Variants in COL28A1 observed in about 807,000 individuals in gnomAD.
The protein encoded by COL28A1 is collagen type XXVIII alpha 1 chain.
In COL28A1, 161 loss-of-function variants were observed where a neutral mutation model predicts 150.2. The observed-to-expected ratio is 1.07, with a 90% CI of 0.94 to 1.22. The LOEUF is 1.22. COL28A1 is among the 50% of genes most tolerant of loss of function. The pLI is 0.00. For missense variants in COL28A1, 1,617 were observed against 1,388.3 expected, an observed-to-expected ratio of 1.16 and a Z score of -2.62; for synonymous variants, 552 against 469.7, an observed-to-expected ratio of 1.18 and a Z score of -2.26.
intron 15 of COL28A1, among the ~76,000 whole-genome samples, chr7:7,463,507 G>A (rs1255051200): frequency 2.0e-5 from 3 of 152,114 alleles, no homozygotes; most frequent in Non-Finnish European, 2.9e-5. Context: ...AGGGATTGGG[G>A]TCCTATCATC....
In COL28A1 at chr7:7,432,579, G is replaced by A. The variant is rs758014058; in HGVS notation, c.1930-38C>T. On this transcript the variant is annotated intron_variant, in intron 24 of 34. Coordinates refer to ENST00000399429, the MANE Select transcript of COL28A1 (RefSeq NM_001037763.3). ...AGTAAGGGAGGGAGTGAGCATCCTT[G>A]TAGTATGCAACACTCAAAAAGGAGG... 4 of 1,606,278 alleles carry A rather than the reference G, an allele frequency of 2.5e-6. No individual in the cohort carries two copies. In the South Asian group the frequency reaches 4.4e-5, roughly 18 times the overall value.
At chr7:7,487,154 T>TA (rs55844533) in intron 13 of COL28A1, among the ~76,000 whole-genome samples, 12 of 151,616 alleles carry the variant, frequency 7.9e-5, no homozygotes, top group South Asian at 2.1e-4. Context: ...TTTCATTATT[T>TA]AAAAAAAAAC....
chr7:7,393,565 C>T (rs1031498622), intron 27 of COL28A1, among the ~76,000 whole-genome samples: 5 of 152,088 alleles, frequency 3.3e-5, no homozygotes, highest in Non-Finnish European at 4.4e-5. Context: ...GTCTCCCCTT[C>T]CCCCAGGTGC....
intron 28 of COL28A1, 44 bp downstream of exon 28, chr7:7,381,500 C>G: frequency 7.1e-7 from 1 of 1,403,414 alleles, no homozygotes; most frequent in Non-Finnish European, 1.0e-6. Context: ...TAAGCTATTG[C>G]GATCCTAAGC....
At chr7:7,366,444 A>C (rs1002039148) in intron 33 of COL28A1, among the ~76,000 whole-genome samples, 1 of 152,188 alleles carries the variant, frequency 6.6e-6, no homozygotes, top group Non-Finnish European at 1.5e-5. Flanking sequence ...CTTCTAGATC[A>C]GTTAGGAATA....
chr7:7,431,617 A>G (rs1185335051), intron 25 of COL28A1: 1 of 471,160 alleles, frequency 2.1e-6, no homozygotes, highest in Non-Finnish European at 4.4e-6. Context: ...GGCATGAAGG[A>G]TCTTCAAGGC....
chr7:7,376,173 A>G (rs868701918), intron 30 of COL28A1, among the ~76,000 whole-genome samples: 1 of 152,018 alleles, frequency 6.6e-6, no homozygotes, highest in Non-Finnish European at 1.5e-5. Flanking sequence ...CAGTGTGTTT[A>G]TAAGTAACTA....
chr7:7,536,016 T>C (rs1337694957), upstream of COL28A1, among the ~76,000 whole-genome samples: 1 of 152,232 alleles, frequency 6.6e-6, no homozygotes, highest in East Asian at 1.9e-4. Flanking sequence ...AATGAGACTG[T>C]GTTTTCCAGA....
intron 33 of COL28A1, among the ~76,000 whole-genome samples, chr7:7,368,392 T>C (rs1302753530): frequency 1.7e-4 from 25 of 150,716 alleles, no homozygotes; most frequent in Admixed American, 1.6e-3. Flanking sequence ...GCCTACTGTT[T>C]TTTTTGTTTT....
chr7:7,434,813 G>T (rs1370635717), intron 23 of COL28A1, among the ~76,000 whole-genome samples: 1 of 152,158 alleles, frequency 6.6e-6, no homozygotes, highest in Non-Finnish European at 1.5e-5. Context: ...TTCTGTACTG[G>T]ATTCAAGGAA....
At chr7:7,414,823 G>C (rs559287387) in intron 27 of COL28A1, among the ~76,000 whole-genome samples, 1 of 152,032 alleles carries the variant, frequency 6.6e-6, no homozygotes, top group African/African-American at 2.4e-5. Flanking sequence ...TCATTACTTG[G>C]CCTATAGGAC....
In COL28A1 at chr7:7,484,255, T is replaced by C. The variant is rs140565360; in HGVS notation, c.1164+5134A>G. On this transcript the variant is annotated intron_variant, in intron 13 of 34. Coordinates refer to ENST00000399429, the MANE Select transcript of COL28A1 (RefSeq NM_001037763.3). ...AGAAATTATAAACAGACTAAAGACA[T>C]GGAAACAGAAACCATGGTTGCCAGC... Among the ~76,000 whole-genome samples, 58 of 151,758 alleles carry C rather than the reference T, an allele frequency of 3.8e-4. No homozygotes were observed. In the East Asian group the frequency reaches 0.011, roughly 28 times the overall value.
chr7:7,459,751 G>A (rs550524620), intron 15 of COL28A1, among the ~76,000 whole-genome samples: 2 of 152,134 alleles, frequency 1.3e-5, no homozygotes, highest in Non-Finnish European at 2.9e-5. Flanking sequence ...CCCTAACAAC[G>A]AGGAGCTGAC....
chr7:7,373,383 G>T lies in COL28A1; in HGVS notation c.2523C>A (p.Asn841Lys). ...CCACCTTCTCCACCTTATGGCTATA[G>T]TTGATTATGCCTATGCGGGCCGTGG... ...DLATARIGII[N>K]YSHKVEKVAN... Residue 841 changes from asparagine to lysine, a missense_variant, in exon 32 of 35, where the codon AAC becomes AAA. By Grantham distance (94) the Asn-to-Lys change is moderately conservative. Transcript: ENST00000399429. The surrounding 1 kb of genome is among the most constrained non-coding windows in gnomAD (Gnocchi z 4.1). 6.2e-7 allele frequency: 1 copy of T among 1,614,198 alleles called. No individual in the cohort carries two copies. Among genetic ancestry groups the T allele is most frequent in the Non-Finnish European group, 8.5e-7 (1 of 1,180,044 alleles).
intron 13 of COL28A1, among the ~76,000 whole-genome samples, chr7:7,487,779 T>C (rs905391820): frequency 6.6e-6 from 1 of 152,166 alleles, no homozygotes; most frequent in African/African-American, 2.4e-5. Flanking sequence ...TCTGAGCTGG[T>C]CCTATACTTA....
At chr7:7,521,340 T>A (rs945961911) in intron 5 of COL28A1, among the ~76,000 whole-genome samples, 1 of 152,236 alleles carries the variant, frequency 6.6e-6, no homozygotes, top group Non-Finnish European at 1.5e-5. Context: ...TCCTGGATTA[T>A]CTTATCAAAC....
At chr7:7,431,602 G>A (rs1351689773) in intron 25 of COL28A1, 1 of 471,178 alleles carries the variant, frequency 2.1e-6, no homozygotes, top group Non-Finnish European at 4.4e-6. Flanking sequence ...AGAAGCTGCA[G>A]TCGGGGCATG....
intron 27 of COL28A1, among the ~76,000 whole-genome samples, chr7:7,410,744 C>T (rs991423433): frequency 1.3e-5 from 2 of 151,600 alleles, no homozygotes; most frequent in African/African-American, 2.4e-5. Context: ...ATGTGTGTTG[C>T]TCTCTTCATA....
intron 23 of COL28A1, 126 bp downstream of exon 23, chr7:7,436,269 G>C: frequency 2.9e-6 from 2 of 700,812 alleles, no homozygotes; most frequent in Non-Finnish European, 5.1e-6. Flanking sequence ...AAAGGGAATA[G>C]CTATATTCTT....
Sources: allele counts gnomAD v4.1 joint callset (sites outside exome capture counted in the v4.1 genomes callset), GRCh38; gene constraint gnomAD v4.1.1; non-coding constraint Gnocchi (gnomAD v3.1); transcripts MANE v1.5; gene names NCBI Gene and HGNC (gene_info 2026-07-23, HGNC 2026-07-21).